Variants in CNTNAP5 observed in about 807,000 individuals in gnomAD.
The protein encoded by CNTNAP5 is contactin-associated protein-like 5.
CNTNAP5 carries 72 observed loss-of-function variants against 150.2 expected under a neutral mutation model. That is an observed-to-expected ratio of 0.48 (90% confidence interval 0.40 to 0.58). CNTNAP5 has a LOEUF of 0.58. Among genes scored for constraint, CNTNAP5 ranks in the 20% least tolerant of loss-of-function variants. The pLI is 0.00. For missense variants in CNTNAP5, 1,636 were observed against 1,626.2 expected, an observed-to-expected ratio of 1.01 and a Z score of -0.10; for synonymous variants, 672 against 619.8, an observed-to-expected ratio of 1.08 and a Z score of -1.25.
intron 13 of CNTNAP5, among the ~76,000 whole-genome samples, chr2:124,658,461 A>G: frequency 6.6e-6 from 1 of 152,060 alleles, no homozygotes; most frequent in Non-Finnish European, 1.5e-5. Flanking sequence ...TTGTCACAGT[A>G]AGGAACTTGT....
At chr2:124,553,008 A>T (rs1205258254) in intron 10 of CNTNAP5, among the ~76,000 whole-genome samples, 2 of 152,130 alleles carry the variant, frequency 1.3e-5, no homozygotes, top group East Asian at 1.9e-4. Flanking sequence ...GTTTTTGTGC[A>T]TGTAAAAATG....
chr2:124,846,077 G>A (rs1194589712), intron 19 of CNTNAP5, among the ~76,000 whole-genome samples: 2 of 151,632 alleles, frequency 1.3e-5, no homozygotes, highest in Non-Finnish European at 2.9e-5. Context: ...TGTTTTATCA[G>A]TTCCATGAGG....
intron 1 of CNTNAP5, among the ~76,000 whole-genome samples, chr2:124,150,676 A>G (rs1341897999): frequency 6.6e-6 from 1 of 152,160 alleles, no homozygotes; most frequent in Non-Finnish European, 1.5e-5. Context: ...AGAAAAAGAA[A>G]GAGAAAGAGA....
At chr2:124,239,400 G>T (rs1686829786) in intron 2 of CNTNAP5, among the ~76,000 whole-genome samples, 1 of 152,134 alleles carries the variant, frequency 6.6e-6, no homozygotes, top group South Asian at 2.1e-4. Context: ...AAGAGAAACA[G>T]TTAAGGCTTA....
chr2:124,649,666 G>A lies in CNTNAP5; in HGVS notation c.2077+1708G>A, dbSNP rs78531908. Among the ~76,000 whole-genome samples, 1,275 of 152,278 alleles carry A rather than the reference G, an allele frequency of 8.4e-3. 17 individuals are homozygous for A. Among genetic ancestry groups the A allele is most frequent in the African/African-American group, 0.029 (1,218 of 41,564 alleles). On this transcript the variant is annotated intron_variant, in intron 13 of 23. Transcript: ENST00000682447. ...GTCATATTGGGAGTAAGGGCTTGAT[G>A]CTGTCATTTACCAGTTATGTGACTT... is the stretch of plus-strand genomic sequence containing the variant.
At chr2:124,656,088 TG>T (rs1678452003) in intron 13 of CNTNAP5, among the ~76,000 whole-genome samples, 1 of 150,592 alleles carries the variant, frequency 6.6e-6, no homozygotes, top group Admixed American at 6.6e-5. Context: ...AAAAAGTCAC[TG>T]CCACTAGCCC....
chr2:124,899,470 T>G (rs1280878261), intron 21 of CNTNAP5, among the ~76,000 whole-genome samples: 3 of 151,620 alleles, frequency 2.0e-5, no homozygotes, highest in Non-Finnish European at 4.4e-5. Flanking sequence ...ATATTTAAAA[T>G]GTATTGAGTG....
intron 13 of CNTNAP5, among the ~76,000 whole-genome samples, chr2:124,655,756 CCA>C (rs995781646): frequency 2.6e-5 from 4 of 151,466 alleles, no homozygotes; most frequent in Non-Finnish European, 4.4e-5. Context: ...AAAAAGTTAT[CCA>C]GGTGTGGTGG....
intron 1 of CNTNAP5, among the ~76,000 whole-genome samples, chr2:124,195,910 C>T (rs995780481): frequency 4.6e-5 from 7 of 152,150 alleles, no homozygotes; most frequent in Non-Finnish European, 1.0e-4. Context: ...AGATTCTGTG[C>T]AGAGTGCTGC....
At chr2:124,909,200 G>A (rs1269190006) in intron 22 of CNTNAP5, among the ~76,000 whole-genome samples, 2 of 152,126 alleles carry the variant, frequency 1.3e-5, no homozygotes, top group Admixed American at 1.3e-4. Context: ...AGTGCCCTGT[G>A]CAGGTGTAGC....
At chr2:124,219,212 T>C (rs1170350042) in intron 1 of CNTNAP5, among the ~76,000 whole-genome samples, 1 of 152,122 alleles carries the variant, frequency 6.6e-6, no homozygotes, top group African/African-American at 2.4e-5. Flanking sequence ...TATGCATTTG[T>C]AAAAATGGCT....
chr2:124,067,288 T>C (rs1682184592), intron 1 of CNTNAP5, among the ~76,000 whole-genome samples: 1 of 152,160 alleles, frequency 6.6e-6, no homozygotes, highest in Non-Finnish European at 1.5e-5. Flanking sequence ...CTGGAATCAG[T>C]ACCATGGGTC....
intron 1 of CNTNAP5, among the ~76,000 whole-genome samples, chr2:124,167,250 C>T (rs915693877): frequency 6.6e-6 from 1 of 152,164 alleles, no homozygotes; most frequent in Admixed American, 6.6e-5. Context: ...TTCATTAAAA[C>T]ATGTTGCTTC....
intron 1 of CNTNAP5, among the ~76,000 whole-genome samples, chr2:124,145,812 T>TA: frequency 0.24 from 15,439 of 64,214 alleles, 2,059 homozygotes; most frequent in East Asian, 0.39. Context: ...AAAAAAACAT[T>TA]AAAAAAAAAA....
chr2:124,470,647 C>T (rs2104829699), intron 6 of CNTNAP5, among the ~76,000 whole-genome samples: 1 of 152,172 alleles, frequency 6.6e-6, no homozygotes. Context: ...TTGCCTGTGC[C>T]TATGTCCTGA....
intron 3 of CNTNAP5, among the ~76,000 whole-genome samples, chr2:124,365,663 T>C (rs1207633148): frequency 6.6e-6 from 1 of 152,150 alleles, no homozygotes; most frequent in East Asian, 1.9e-4. Context: ...CTACCTCTTA[T>C]AAAAGTTTCC....
At chr2:124,437,388 C>T (rs1692558657) in intron 5 of CNTNAP5, among the ~76,000 whole-genome samples, 1 of 152,058 alleles carries the variant, frequency 6.6e-6, no homozygotes, top group South Asian at 2.1e-4. Flanking sequence ...TATACATTAG[C>T]CCCCATTTAC....
At chr2:124,667,557 C>G (rs1678726584) in intron 13 of CNTNAP5, among the ~76,000 whole-genome samples, 1 of 152,196 alleles carries the variant, frequency 6.6e-6, no homozygotes, top group Admixed American at 6.5e-5. Flanking sequence ...TTCCCTGCCT[C>G]AGGGCAATGC....
chr2:124,204,236 G>A (rs1033884303), intron 1 of CNTNAP5, among the ~76,000 whole-genome samples: 3 of 152,106 alleles, frequency 2.0e-5, no homozygotes, highest in Non-Finnish European at 2.9e-5. Flanking sequence ...CAGTCTCTTC[G>A]ATAAGCATAA....
Sources: gnomAD v4.1 joint callset for allele counts (sites outside exome capture counted in the v4.1 genomes callset) on GRCh38, gnomAD v4.1.1 for gene constraint, MANE v1.5 for transcripts, NCBI Gene and HGNC (gene_info 2026-07-23, HGNC 2026-07-21) for gene names.